ARRDC5: variants seen among roughly 807,000 people sequenced by gnomAD.
ARRDC5 encodes the protein arrestin domain-containing protein 5.
In ARRDC5, 12 loss-of-function variants were observed where a neutral mutation model predicts 13.3. The ratio of observed to expected loss-of-function variants is 0.90; its 90% CI spans 0.58 to 1.46. The LOEUF is 1.46. Ranked by LOEUF, ARRDC5 falls within the 40% of genes most tolerant of loss-of-function variation. The pLI is 0.00. For missense variants in ARRDC5, 406 were observed against 418.7 expected (o/e 0.97, Z 0.26); for synonymous variants, 181 against 173.4 (o/e 1.04, Z -0.34).
rs189342782 is a variant in ARRDC5, at chr19:4,890,847, C to T, written c.*199G>A. On this transcript the variant is annotated 3_prime_UTR_variant, in exon 3 of 3. Coordinates refer to ENST00000650722, the MANE Select transcript of ARRDC5 (RefSeq NM_001080523.3). ...GGGTTTGGGTCCTGGGAGACCTTCC[C>T]GGTTTCCTTTGTCCATTCCAGGCAT... 2.1e-5 allele frequency: 12 copies of T among 562,450 alleles called. No homozygotes were observed. The highest frequency in any genetic ancestry group is 9.4e-5 in the African/African-American group (5 of 53,246). The allele number at this position is 562,450 out of a possible 1,614,324, so 34.8% of individuals were successfully genotyped here. A position where few individuals can be genotyped will look rare whatever the true frequency, so the allele number is the denominator to read the frequency against.
the ARRDC5 span, among the ~76,000 whole-genome samples, chr19:4,912,535 T>C: frequency 1.3e-5 from 2 of 152,130 alleles, no homozygotes; most frequent in Non-Finnish European, 2.9e-5. Flanking sequence ...CATGCAGGAA[T>C]GGGAAAACAC....
At position 4,896,777 on chromosome 19, in the gene ARRDC5, T is replaced by C. The variant is rs1377027185; in HGVS notation, c.353A>G (p.Tyr118Cys). The C allele has an allele frequency of 6.2e-7, 1 of 1,613,646 alleles. No individual in the cohort carries two copies. Among genetic ancestry groups the C allele is most frequent in the African/African-American group, 1.3e-5 (1 of 74,866 alleles). The stretch of plus-strand genomic sequence containing the variant: ...GCCCATGCAGGAAGCTTGTACGAAA[T>C]AGAAGACATGGCCAAATTTGCTGGT... ...TFTSKFGHVF[Y>C]FVQASCMGRE... Residue 118 changes from tyrosine (Y) to cysteine (C), a missense_variant, in exon 2 of 3, where the codon TAT becomes TGT. Physicochemically the swap from Tyr to Cys is radical, Grantham distance 194. Coordinates refer to ENST00000650722, the MANE Select transcript of ARRDC5 (RefSeq NM_001080523.3).
intron 2 of ARRDC5, 146 bp downstream of exon 2, chr19:4,896,525 C>G (rs772930493): frequency 1.9e-4 from 122 of 625,648 alleles, no homozygotes; most frequent in Admixed American, 1.4e-3. Flanking sequence ...TCTGACTCAC[C>G]TTTTGTGAAA....
the ARRDC5 span, among the ~76,000 whole-genome samples, chr19:4,907,957 C>T: frequency 3.3e-5 from 5 of 152,024 alleles, no homozygotes; most frequent in African/African-American, 1.2e-4. Flanking sequence ...GGTGATCTGC[C>T]TGCCTCGGCC....
At chr19:4,899,764 C>CTAAAAA (rs1424989852) in intron 1 of ARRDC5, among the ~76,000 whole-genome samples, 2 of 67,970 alleles carry the variant, frequency 2.9e-5, no homozygotes, top group Admixed American at 1.4e-4. Flanking sequence ...CCCGTCTCTA[C>CTAAAAA]AAAAAAAAAA....
At chr19:4,896,539 C>T (rs1014930752) in intron 2 of ARRDC5, 132 bp downstream of exon 2, 9 of 660,806 alleles carry the variant, frequency 1.4e-5, no homozygotes, top group African/African-American at 1.1e-4. Context: ...TGTGAAATCT[C>T]GGGGCCTGGG....
chr19:4,891,408 C>G lies in ARRDC5; in HGVS notation c.625G>C (p.Val209Leu). 6.2e-7 allele frequency: 1 copy of G among 1,613,254 alleles called. No individual in the cohort carries two copies. Among genetic ancestry groups the G allele is most frequent in the Non-Finnish European group, 8.5e-7 (1 of 1,179,882 alleles). ...TGTATGTGGGCATACAGGGCGAATA[C>G]GACCGTCTTGATGCATTTGCTGGTC... ...NQTSKCIKTV[V>L]FALYAHIQYE... The change falls in exon 3 of 3, where the codon GTA becomes CTA. Residue 209 changes from valine (V) to leucine (L), a missense_variant. Coordinates refer to ENST00000650722, the MANE Select transcript of ARRDC5 (RefSeq NM_001080523.3).
chr19:4,915,822 G>C, the ARRDC5 span, among the ~76,000 whole-genome samples: 2 of 152,228 alleles, frequency 1.3e-5, no homozygotes, highest in African/African-American at 4.8e-5. Flanking sequence ...GCCTCAGTTG[G>C]TGTGTCTGGG....
At chr19:4,895,720 C>T (rs1399178676) in intron 2 of ARRDC5, among the ~76,000 whole-genome samples, 2 of 152,200 alleles carry the variant, frequency 1.3e-5, no homozygotes, top group African/African-American at 2.4e-5. Flanking sequence ...TGGAGGGCCA[C>T]TGAGTGTACA....
chr19:4,909,447 G>A, the ARRDC5 span: 2 of 652,408 alleles, frequency 3.1e-6, no homozygotes, highest in Non-Finnish European at 5.5e-6. Context: ...CCCCCGGCAC[G>A]GCCTCCTGCG....
intron 1 of ARRDC5, among the ~76,000 whole-genome samples, chr19:4,902,165 CA>C (rs2031941314): frequency 6.6e-6 from 1 of 152,122 alleles, no homozygotes; most frequent in Non-Finnish European, 1.5e-5. Flanking sequence ...GCTGGAATTA[CA>C]GGTATGAACC....
At position 4,896,798 on chromosome 19, in the gene ARRDC5, C is replaced by G; in HGVS notation, c.332G>C (p.Ser111Thr). The G allele has an allele frequency of 6.2e-7, 1 of 1,613,826 alleles. No homozygotes were observed. The highest frequency in any genetic ancestry group is 1.1e-5 in the South Asian group (1 of 91,078). ...LPPRLPSTFT[S>T]KFGHVFYFVQ... ...GAAATAGAAGACATGGCCAAATTTG[C>G]TGGTGAAGGTAGAAGGAAGCCTGGG... is the stretch of plus-strand genomic sequence containing the variant. Residue 111 changes from serine to threonine, a missense_variant, in exon 2 of 3, where the codon AGC becomes ACC. By Grantham distance (58) the Ser-to-Thr change is moderately conservative (BLOSUM62 1). Transcript: ENST00000650722.
At chr19:4,913,257 T>TTC in the ARRDC5 span, among the ~76,000 whole-genome samples, 1 of 148,086 alleles carries the variant, frequency 6.8e-6, no homozygotes, top group African/African-American at 2.5e-5. Flanking sequence ...TTGTGCTTTT[T>TTC]TTTTTTTTTT....
chr19:4,916,199 G>T, the ARRDC5 span, among the ~76,000 whole-genome samples: 1 of 152,058 alleles, frequency 6.6e-6, no homozygotes, highest in Non-Finnish European at 1.5e-5. Context: ...CTAGCTACTC[G>T]GGAGGCCAAG....
At chr19:4,901,482 C>T (rs950055385) in intron 1 of ARRDC5, among the ~76,000 whole-genome samples, 4 of 151,824 alleles carry the variant, frequency 2.6e-5, no homozygotes, top group African/African-American at 7.3e-5. Context: ...GGCATGGTGG[C>T]GGGTGCCTGT....
chr19:4,908,267 G>A, the ARRDC5 span, among the ~76,000 whole-genome samples: 1 of 152,038 alleles, frequency 6.6e-6, no homozygotes, highest in African/African-American at 2.4e-5. Flanking sequence ...TATCTTCGGG[G>A]GCCATGATCT....
At chr19:4,909,362 A>G in the ARRDC5 span, 2 of 611,504 alleles carry the variant, frequency 3.3e-6, no homozygotes, top group East Asian at 3.3e-5. Context: ...GGCGCCGTGG[A>G]CAGAGGCGGG....
the ARRDC5 span, among the ~76,000 whole-genome samples, chr19:4,915,427 G>C: frequency 1.3e-5 from 2 of 152,194 alleles, no homozygotes; most frequent in African/African-American, 2.4e-5. Flanking sequence ...TATAAAAACA[G>C]GTATGGCGGG....
At chr19:4,914,533 A>T in the ARRDC5 span, among the ~76,000 whole-genome samples, 1 of 151,986 alleles carries the variant, frequency 6.6e-6, no homozygotes, top group African/African-American at 2.4e-5. Flanking sequence ...ACTTGGGCTG[A>T]ATAGGGTGAC....
Sources: gnomAD v4.1 joint callset for allele counts (sites outside exome capture counted in the v4.1 genomes callset) on GRCh38, gnomAD v4.1.1 for gene constraint, MANE v1.5 for transcripts, NCBI Gene and HGNC (gene_info 2026-07-23, HGNC 2026-07-21) for gene names.